The following DNAH8 variants were observed in gnomAD, a reference collection of about 807,000 sequenced individuals.
DNAH8 encodes axonemal beta dynein heavy chain 8.
DNAH8 carries 382 observed loss-of-function variants against 562.1 expected under a neutral mutation model. That is an observed-to-expected ratio of 0.68 (90% CI 0.63 to 0.74). The LOEUF is 0.74. Ranked by LOEUF, DNAH8 falls within the 30% of genes least tolerant of loss-of-function variation. The pLI, the probability that DNAH8 is intolerant of heterozygous loss-of-function variation, is 0.00. For missense variants in DNAH8, 5,203 were observed against 5,620.4 expected (o/e 0.93, Z 2.37); for synonymous variants, 1,881 against 1,919.4 (o/e 0.98, Z 0.52).
intron 36 of DNAH8, among the ~76,000 whole-genome samples, 179 bp from the exon 37 acceptor site, chr6:38,848,469 G>A (rs1475900333): frequency 2.6e-5 from 4 of 152,072 alleles, no homozygotes; most frequent in Non-Finnish European, 5.9e-5. Flanking sequence ...GCAGTTATAT[G>A]AGTTTTATTC....
In DNAH8 at chr6:38,872,701, G is replaced by T. The variant is rs1330094908; in HGVS notation, c.7156G>T (p.Gly2386Cys). ...AGCCATTACTGCACCTCAGATGTTT[G>T]GCAGACTGGACACTGCTACCAATGA... is the stretch of plus-strand genomic sequence containing the variant. ...PKAITAPQMFGRLDTATNDWT... is the reference protein window; with the variant it reads ...PKAITAPQMFCRLDTATNDWT... Residue 2386 changes from glycine to cysteine, a missense_variant, in exon 50 of 93, where the codon GGC becomes TGC. Physicochemically the swap from Gly to Cys is radical, Grantham distance 159. Coordinates refer to ENST00000327475, the MANE Select transcript of DNAH8 (RefSeq NM_001206927.2). 6.2e-7 allele frequency: 1 copy of T among 1,613,930 alleles called. No homozygotes were observed. The highest frequency in any genetic ancestry group is 1.3e-5 in the African/African-American group (1 of 74,878).
chr6:38,853,805 G>T (rs1775958446), intron 41 of DNAH8, among the ~76,000 whole-genome samples: 1 of 152,040 alleles, frequency 6.6e-6, no homozygotes, highest in Non-Finnish European at 1.5e-5. Context: ...TTAGCCTACA[G>T]TTAGGCAAAA....
chr6:38,716,265 A>G (rs1762338462), intron 1 of DNAH8, among the ~76,000 whole-genome samples: 1 of 151,332 alleles, frequency 6.6e-6, no homozygotes, highest in Non-Finnish European at 1.5e-5. Context: ...CCGGCCATAT[A>G]CCTATATATT....
At chr6:38,806,282 A>G (rs1771266648) in intron 23 of DNAH8, among the ~76,000 whole-genome samples, 1 of 152,060 alleles carries the variant, frequency 6.6e-6, no homozygotes, top group Non-Finnish European at 1.5e-5. Flanking sequence ...CTTTTACACA[A>G]TCTGATGCAG....
rs1340873314 is a variant in DNAH8 at position 38,790,383 on chromosome 6, T to A, written c.2759T>A (p.Met920Lys). 19 of 1,586,354 alleles carry A rather than the reference T, an allele frequency of 1.2e-5. No individual in the cohort carries two copies. Among genetic ancestry groups the A allele is most frequent in the Non-Finnish European group, 1.6e-5 (18 of 1,160,350 alleles). The change falls in exon 20 of 93, where the codon ATG becomes AAG. Residue 920 changes from methionine (M) to lysine (K), a missense_variant. Transcript: ENST00000327475. ...CAAGAAGTCGAATTAGTTTTGGATA[T>A]GTTCAATCAACTTTTAAAGAAGGTA... The part of the protein sequence containing the change: ...FFQEVELVLD[M>K]FNQLLKKISD...
intron 15 of DNAH8, among the ~76,000 whole-genome samples, chr6:38,780,811 A>C (rs1768508833): frequency 6.6e-6 from 1 of 152,152 alleles, no homozygotes; most frequent in African/African-American, 2.4e-5. Context: ...ATAACAAACA[A>C]ACAAACAAAC....
At chr6:38,904,051 C>T (rs1780265565) in intron 62 of DNAH8, among the ~76,000 whole-genome samples, 1 of 152,114 alleles carries the variant, frequency 6.6e-6, no homozygotes, top group Admixed American at 6.5e-5. Flanking sequence ...CTGTAAGCTC[C>T]CTGAGAATGG....
intron 33 of DNAH8, among the ~76,000 whole-genome samples, chr6:38,838,653 C>T (rs911824101): frequency 1.3e-5 from 2 of 148,380 alleles, no homozygotes; most frequent in African/African-American, 5.0e-5. Flanking sequence ...CCTGCCTCGG[C>T]CTCCCAAAGT....
At chr6:38,779,856 A>C (rs1768410703) in intron 14 of DNAH8, 110 bp from the exon 15 acceptor site, 1 of 1,059,428 alleles carries the variant, frequency 9.4e-7, no homozygotes, top group African/African-American at 1.6e-5. Context: ...ACAACGAATG[A>C]GGGCTGGTAT....
At chr6:38,948,725 TC>T (rs1317194828) in intron 80 of DNAH8, among the ~76,000 whole-genome samples, 2 of 152,192 alleles carry the variant, frequency 1.3e-5, no homozygotes, top group Non-Finnish European at 2.9e-5. Flanking sequence ...TCTATAGTTT[TC>T]GTACTTAGTC....
At chr6:38,884,332 A>T (rs1387564250) in intron 56 of DNAH8, among the ~76,000 whole-genome samples, 1 of 151,918 alleles carries the variant, frequency 6.6e-6, no homozygotes, top group Non-Finnish European at 1.5e-5. Flanking sequence ...TTGCTCTCTC[A>T]CCCAAGCTCG....
intron 88 of DNAH8, among the ~76,000 whole-genome samples, chr6:38,999,926 C>CAA (rs1561961068): frequency 2.6e-5 from 1 of 37,794 alleles, no homozygotes; most frequent in East Asian, 5.7e-4. Context: ...TATACACACA[C>CAA]ACACACAAAC....
chr6:38,831,876 G>A (rs1773863094), intron 30 of DNAH8, among the ~76,000 whole-genome samples: 1 of 152,014 alleles, frequency 6.6e-6, no homozygotes. Flanking sequence ...TTTAAGCAGA[G>A]TATTTCAGGA....
chr6:38,884,915 C>T (rs116597145), intron 56 of DNAH8, among the ~76,000 whole-genome samples: 1,979 of 150,844 alleles, frequency 0.013, 19 homozygotes, highest in Middle Eastern at 0.024. Context: ...ATCCCCAACA[C>T]TTTCCTCCCA....
intron 1 of DNAH8, among the ~76,000 whole-genome samples, chr6:38,716,330 C>T (rs776783077): frequency 4.6e-5 from 7 of 151,878 alleles, no homozygotes; most frequent in East Asian, 1.9e-4. Flanking sequence ...GCTTATTTCC[C>T]GTTCCTCTAC....
rs762119793 is a variant in DNAH8, at chr6:38,915,299, T to C, written c.10062T>C (p.Ile3354=). ...AAGCCCAAAAAATTGTGGATGAAAT[T>C]GATAGTGAAAAAGTGAAAGCTGAAA... ...KDKAQKIVDE[I]DSEKVKAESK... is the part of the protein sequence containing the mutation. Residue 3354 remains isoleucine (I), a synonymous_variant, in exon 68 of 93, where the codon ATT becomes ATC. Coordinates refer to ENST00000327475, the MANE Select transcript of DNAH8 (RefSeq NM_001206927.2). 1.9e-5 allele frequency: 30 copies of C among 1,610,080 alleles called. No individual in the cohort carries two copies. The highest frequency in any genetic ancestry group is 2.3e-5 in the Non-Finnish European group (27 of 1,178,646).
chr6:38,759,860 C>T (rs1246818242), intron 10 of DNAH8, among the ~76,000 whole-genome samples: 1 of 152,096 alleles, frequency 6.6e-6, no homozygotes, highest in Non-Finnish European at 1.5e-5. Flanking sequence ...CCCATCCTGC[C>T]CCTTGGCTAT....
chr6:38,866,447 A>G (rs540850223), intron 45 of DNAH8, 144 bp from the exon 46 acceptor site: 1 of 611,098 alleles, frequency 1.6e-6, no homozygotes, highest in East Asian at 2.8e-5. Context: ...TCTAATACAT[A>G]TTGTTTTGAG....
chr6:38,719,285 G>A (rs1452204819), intron 1 of DNAH8, among the ~76,000 whole-genome samples: 2 of 152,160 alleles, frequency 1.3e-5, no homozygotes, highest in Non-Finnish European at 2.9e-5. Context: ...TCTTACAAAG[G>A]TTTATTGCAT....
Sources: gnomAD v4.1 joint callset for allele counts (sites outside exome capture counted in the v4.1 genomes callset) on GRCh38, gnomAD v4.1.1 for gene constraint, MANE v1.5 for transcripts, NCBI Gene and HGNC (gene_info 2026-07-23, HGNC 2026-07-21) for gene names.